Variants in HUWE1 observed in about 807,000 individuals in gnomAD.
HUWE1 encodes the protein HECT, UBA and WWE domain containing E3 ubiquitin protein ligase 1.
A neutral mutation model predicts 299.4 loss-of-function variants in HUWE1; 18 were observed. The observed-to-expected ratio is 0.06, with a 90% confidence interval of 0.04 to 0.09. HUWE1 has a LOEUF of 0.09. HUWE1 is among the 10% of genes least tolerant of loss of function. The pLI is 1.00. For synonymous variants in HUWE1, 1,317 were observed against 1,286.1 expected (o/e 1.02, Z -0.51); for missense variants, 1,832 against 3,462.3 (o/e 0.53, Z 11.82).
chrX:53,543,156 G>C (rs1038920721), intron 73 of HUWE1, among the ~76,000 whole-genome samples: 3 of 110,546 alleles, frequency 2.7e-5, no homozygotes, highest in Non-Finnish European at 5.7e-5. Flanking sequence ...CTGTATAATA[G>C]TAATTATACG....
At position 53,627,663 on chromosome X, in the gene HUWE1, T is replaced by C. The variant is rs1209046690; in HGVS notation, c.1383+76A>G. ...CAGAAGAGACTGTAAGATCGCTCTT[T>C]AGGGTTATCAGGACAATCCTTAGGT... On this transcript the variant is annotated intron_variant, in intron 16 of 83. Coordinates refer to ENST00000262854, the MANE Select transcript of HUWE1 (RefSeq NM_031407.7). The C allele has an allele frequency of 2.4e-5, 24 of 1,005,259 alleles. No individual in the cohort carries two copies. The Admixed American group carries it at 5.0e-4, about 21-fold the overall frequency. 82.8% of individuals were successfully genotyped at this position (1,005,259 alleles called of 1,213,427 possible).
At chrX:53,540,919 G>C (rs1265262989) in intron 74 of HUWE1, among the ~76,000 whole-genome samples, 4 of 111,586 alleles carry the variant, frequency 3.6e-5, no homozygotes, top group African/African-American at 1.3e-4. Flanking sequence ...TCAAGGTTCT[G>C]ACAGCCTTAG....
intron 75 of HUWE1, 89 bp from the exon 76 acceptor site, chrX:53,539,169 T>C: frequency 1.0e-6 from 1 of 982,189 alleles, no homozygotes; most frequent in Non-Finnish European, 1.4e-6. Flanking sequence ...ATTATAAAAA[T>C]AAATAAGGAA....
intron 32 of HUWE1, 91 bp from the exon 33 acceptor site, chrX:53,592,719 C>T: frequency 3.1e-6 from 2 of 642,487 alleles, no homozygotes; most frequent in Non-Finnish European, 2.5e-6. Flanking sequence ...ACAGTCCTTC[C>T]ACAACTAGTA....
intron 23 of HUWE1, among the ~76,000 whole-genome samples, chrX:53,613,999 T>C (rs2065645010): frequency 8.9e-6 from 1 of 112,329 alleles, no homozygotes; most frequent in African/African-American, 3.2e-5. Flanking sequence ...ATGCGGTAGC[T>C]CACGCCTGTA....
intron 3 of HUWE1, among the ~76,000 whole-genome samples, chrX:53,664,294 C>T (rs1376799384): frequency 8.9e-6 from 1 of 112,071 alleles, no homozygotes; most frequent in African/African-American, 3.2e-5. Flanking sequence ...TAAAACAATC[C>T]TCCTGGCCTC....
intron 23 of HUWE1, among the ~76,000 whole-genome samples, chrX:53,609,686 AC>A (rs2065340685): frequency 8.9e-6 from 1 of 112,031 alleles, no homozygotes; most frequent in Non-Finnish European, 1.9e-5. Flanking sequence ...TCTAAGATAA[AC>A]CCCAGGAAGG....
At position 53,543,952 on chromosome X, in the gene HUWE1, G is replaced by A; in HGVS notation, c.11268C>T (p.Gly3756=). 1 of 1,205,343 alleles carries A rather than the reference G, an allele frequency of 8.3e-7. No homozygotes were observed. Among genetic ancestry groups the A allele is most frequent in the Non-Finnish European group, 1.1e-6 (1 of 891,732 alleles). ...QTGRLGSSGL[G]SASSIQAAVR... ...CAGCTGCCTGGATGCTGCTAGCTGA[G>A]CCTAAACCGGAGGAACCTGGGAGAA... Residue 3756 remains glycine (G), a synonymous_variant, in exon 73 of 84, where the codon GGC becomes GGT. Coordinates refer to ENST00000262854, the MANE Select transcript of HUWE1 (RefSeq NM_031407.7).
chrX:53,624,661 G>A lies in HUWE1; in HGVS notation c.1606C>T (p.Leu536=), dbSNP rs1557015442. The part of the protein sequence containing the change: ...DGIRHVMDGS[L]PTSLKHIISN... ...ATGATGTGTTTCAGGGAGGTAGGCA[G>A]AGAACCATCCATCACTAAAAGAAAA... The change falls in exon 19 of 84, where the codon CTG becomes TTG. Residue 536 remains leucine (L), a synonymous_variant. Coordinates refer to ENST00000262854, the MANE Select transcript of HUWE1 (RefSeq NM_031407.7). The A allele has an allele frequency of 8.4e-7, 1 of 1,197,128 alleles. No homozygotes were observed. Among genetic ancestry groups the A allele is most frequent in the Admixed American group, 2.2e-5 (1 of 46,032 alleles).
At chrX:53,543,234 C>A (rs782071741) in intron 73 of HUWE1, among the ~76,000 whole-genome samples, 13 of 110,669 alleles carry the variant, frequency 1.2e-4, no homozygotes, top group Non-Finnish European at 2.5e-4. Flanking sequence ...GTTGCAAGGA[C>A]AGGAAAACAA....
At chrX:53,534,888 A>G (rs2060938192) in intron 81 of HUWE1, among the ~76,000 whole-genome samples, 191 bp from the exon 82 acceptor site, 1 of 109,467 alleles carries the variant, frequency 9.1e-6, no homozygotes, top group Non-Finnish European at 1.9e-5. Context: ...AGCCTCCCAA[A>G]GTGCTAGGAT....
In HUWE1 at chrX:53,575,145, A is replaced by T. The variant is rs2063037067; in HGVS notation, c.6097+10T>A. On this transcript the variant is annotated intron_variant, in intron 46 of 83. Transcript: ENST00000262854. ...ATAAGAACATGGTAGTGAGAAAAGC[A>T]AATCATTACCCTCTCCTTGGGAGGT... 8.4e-7 allele frequency: 1 copy of T among 1,186,623 alleles called. No individual in the cohort carries two copies. Among genetic ancestry groups the T allele is most frequent in the South Asian group, 1.8e-5 (1 of 55,108 alleles).
chrX:53,634,315 G>A lies in HUWE1; in HGVS notation c.505-17C>T. ...ACCCCAGCTCTTGAAAAAGGAAAAA[G>A]ATAGTGTTAAGACAGTGCTTATGGT... is the stretch of plus-strand genomic sequence containing the variant. On this transcript the variant is annotated splice_polypyrimidine_tract_variant and intron_variant, in intron 7 of 83. Coordinates refer to ENST00000262854, the MANE Select transcript of HUWE1 (RefSeq NM_031407.7). 1 of 1,180,075 alleles carries A rather than the reference G, an allele frequency of 8.5e-7. No homozygotes were observed. The highest frequency in any genetic ancestry group is 1.2e-6 in the Non-Finnish European group (1 of 866,512).
At position 53,550,663 on chromosome X, in the gene HUWE1, T is replaced by C; in HGVS notation, c.9488+3A>G. ...ATGGTAAGGTAAAAATAGACAAAGG[T>C]ACCTGTTATGGCTGCTGCTACCCCC... On this transcript the variant is annotated splice_donor_region_variant and intron_variant, in intron 66 of 83. Transcript: ENST00000262854. 8.3e-7 allele frequency: 1 copy of C among 1,202,515 alleles called. No homozygotes were observed. Among genetic ancestry groups the C allele is most frequent in the Non-Finnish European group, 1.1e-6 (1 of 887,705 alleles).
At chrX:53,591,166 C>T (rs782659531) in intron 33 of HUWE1, 44 bp from the exon 34 acceptor site, 1 of 1,189,667 alleles carries the variant, frequency 8.4e-7, no homozygotes, top group African/African-American at 1.8e-5. Flanking sequence ...AACGGAAATC[C>T]AAATACATTT....
At chrX:53,665,215 C>A (rs1429626402) in intron 3 of HUWE1, among the ~76,000 whole-genome samples, 3 of 111,806 alleles carry the variant, frequency 2.7e-5, no homozygotes, top group Non-Finnish European at 5.6e-5. Flanking sequence ...CTCAAGTGCC[C>A]TGAGAACTGC....
intron 2 of HUWE1, among the ~76,000 whole-genome samples, chrX:53,681,427 T>G (rs1198810446): frequency 5.1e-5 from 5 of 98,662 alleles, no homozygotes; most frequent in African/African-American, 1.9e-4. Flanking sequence ...CAAGACTCCA[T>G]CTTAAAAAAA....
chrX:53,593,709 T>C, intron 31 of HUWE1, 108 bp from the exon 32 acceptor site: 1 of 561,192 alleles, frequency 1.8e-6, no homozygotes, highest in Non-Finnish European at 3.1e-6. Context: ...CACGTCCCTC[T>C]TCTTAGAGCT....
rs782432540 is a variant in HUWE1, at chrX:53,580,988, A to G, written c.5559T>C (p.Thr1853=). 43 of 1,207,766 alleles carry G rather than the reference A, an allele frequency of 3.6e-5. No individual in the cohort carries two copies. The highest frequency in any genetic ancestry group is 2.4e-4 in the Admixed American group (11 of 45,643). ...GGCTGCCAGACACAACACCAGAGGT[A>G]GTGCTACCAGCTCCACTTGTAGCTG... ...RSAATSGAGS[T]TSGVVSGSLG... Residue 1853 remains threonine (T), a synonymous_variant, in exon 43 of 84, where the codon ACT becomes ACC. Coordinates refer to ENST00000262854, the MANE Select transcript of HUWE1 (RefSeq NM_031407.7).
Sources: allele counts gnomAD v4.1 joint callset (sites outside exome capture counted in the v4.1 genomes callset), GRCh38; gene constraint gnomAD v4.1.1; transcripts MANE v1.5; gene names NCBI Gene and HGNC (gene_info 2026-07-23, HGNC 2026-07-21).